Variants in SPECC1 observed in about 807,000 individuals in gnomAD.
The protein encoded by SPECC1 is cytospin-B.
In SPECC1, 62 loss-of-function variants were observed where a neutral mutation model predicts 104.1. The ratio of observed to expected loss-of-function variants is 0.60; its 90% confidence interval spans 0.49 to 0.74. The LOEUF is 0.74. Ranked by LOEUF, SPECC1 falls within the 30% of genes least tolerant of loss-of-function variation. SPECC1 has a pLI of 0.00. For synonymous variants in SPECC1, 513 were observed against 501.6 expected (o/e 1.02, Z -0.30); for missense variants, 1,306 against 1,310.5 (o/e 1.00, Z 0.05).
chr17:20,291,397 G>A (rs2041158524), intron 12 of SPECC1, among the ~76,000 whole-genome samples: 1 of 152,228 alleles, frequency 6.6e-6, no homozygotes, highest in Admixed American at 6.5e-5. Context: ...TTCTGGCCCT[G>A]ACTCTGGCGC....
intron 3 of SPECC1, among the ~76,000 whole-genome samples, chr17:20,179,224 C>T (rs1251224599): frequency 3.3e-5 from 5 of 152,236 alleles, no homozygotes; most frequent in African/African-American, 9.6e-5. Flanking sequence ...TGGCCCAGGC[C>T]GGATGCTGCT....
intron 3 of SPECC1, among the ~76,000 whole-genome samples, chr17:20,190,623 G>A (rs1485652159): frequency 3.3e-5 from 5 of 152,136 alleles, no homozygotes; most frequent in Non-Finnish European, 7.4e-5. Flanking sequence ...AACCCACACC[G>A]ATGTAACATT....
At chr17:20,111,760 AGGTGGGAGGAGGATCG>A (rs746161745) in intron 3 of SPECC1, 1 of 579,658 alleles carries the variant, frequency 1.7e-6, no homozygotes, top group Non-Finnish European at 3.2e-6. Context: ...AAGGAGAAAA[AGGTGGGAGGAGGATCG>A]GGTGGGAGGG....
At chr17:20,286,097 G>A (rs2040935715) in intron 12 of SPECC1, among the ~76,000 whole-genome samples, 1 of 152,072 alleles carries the variant, frequency 6.6e-6, no homozygotes, top group Non-Finnish European at 1.5e-5. Flanking sequence ...GTGAGCCATC[G>A]CACATGACCT....
intron 13 of SPECC1, among the ~76,000 whole-genome samples, chr17:20,298,921 AAGAGAGAG>A (rs370856374): frequency 1.5e-4 from 11 of 72,792 alleles, no homozygotes; most frequent in African/African-American, 5.2e-4. Context: ...GCAGAACCAA[AAGAGAGAG>A]AGAGAGAGAG....
intron 1 of SPECC1, chr17:20,017,136 G>C (rs1176643309): frequency 6.6e-6 from 1 of 152,270 alleles, no homozygotes; most frequent in Non-Finnish European, 1.5e-5. Context: ...GGCTGCCCGA[G>C]CCAAGAGTGG....
At chr17:20,207,292 G>A (rs1305745636) in intron 4 of SPECC1, among the ~76,000 whole-genome samples, 1 of 152,122 alleles carries the variant, frequency 6.6e-6, no homozygotes, top group Non-Finnish European at 1.5e-5. Context: ...GCTTAGTGGT[G>A]GGTCATGTTA....
At chr17:20,024,108 G>A (rs930378982) in intron 1 of SPECC1, among the ~76,000 whole-genome samples, 1 of 152,256 alleles carries the variant, frequency 6.6e-6, no homozygotes, top group Non-Finnish European at 1.5e-5. Context: ...AATACAAGGG[G>A]AAAGTTTAGT....
At chr17:20,183,779 C>T (rs1167682512) in intron 3 of SPECC1, among the ~76,000 whole-genome samples, 2 of 151,762 alleles carry the variant, frequency 1.3e-5, no homozygotes, top group African/African-American at 4.8e-5. Context: ...ATCCCTTTTT[C>T]CCCCAAATAT....
intron 3 of SPECC1, among the ~76,000 whole-genome samples, chr17:20,117,485 C>G (rs1284064948): frequency 5.9e-5 from 9 of 151,584 alleles, no homozygotes; most frequent in Non-Finnish European, 1.3e-4. Context: ...TTATACAAAT[C>G]AATAAGAAAA....
At chr17:20,018,098 C>T (rs1364681732) in intron 1 of SPECC1, 1 of 152,240 alleles carries the variant, frequency 6.6e-6, no homozygotes, top group African/African-American at 2.4e-5. Flanking sequence ...ACTGCAGTTC[C>T]CCAGGTAATC....
intron 3 of SPECC1, among the ~76,000 whole-genome samples, chr17:20,143,171 A>G (rs2031035455): frequency 9.1e-6 from 1 of 110,210 alleles, no homozygotes; most frequent in Non-Finnish European, 2.0e-5. Context: ...AATATTCTTT[A>G]TAGGAAAAAA....
chr17:20,191,097 G>C (rs2035638901), intron 3 of SPECC1, among the ~76,000 whole-genome samples: 1 of 152,146 alleles, frequency 6.6e-6, no homozygotes, highest in Non-Finnish European at 1.5e-5. Flanking sequence ...TTCATTTTAA[G>C]GGGTGGATGA....
chr17:20,107,780 C>T (rs1488790444), intron 2 of SPECC1, among the ~76,000 whole-genome samples: 3 of 152,140 alleles, frequency 2.0e-5, no homozygotes, highest in Non-Finnish European at 4.4e-5. Flanking sequence ...CCCGTTTTGG[C>T]CTCCCAAAGT....
intron 3 of SPECC1, among the ~76,000 whole-genome samples, chr17:20,178,983 CAAAG>C (rs1040605180): frequency 8.5e-5 from 13 of 152,310 alleles, no homozygotes; most frequent in Admixed American, 6.5e-4. Flanking sequence ...ACCCACTTCA[CAAAG>C]AAGCTAGAAT....
chr17:20,180,716 A>G (rs1413574848), intron 3 of SPECC1, among the ~76,000 whole-genome samples: 2 of 152,242 alleles, frequency 1.3e-5, no homozygotes, highest in South Asian at 2.1e-4. Context: ...TTGCCAGCCA[A>G]ACAAAATATA....
At chr17:20,251,019 G>C (rs2039605916) in intron 9 of SPECC1, among the ~76,000 whole-genome samples, 1 of 151,996 alleles carries the variant, frequency 6.6e-6, no homozygotes, top group Non-Finnish European at 1.5e-5. Flanking sequence ...TGGAGGCCAG[G>C]AGTTCAAGAC....
At chr17:20,114,609 T>TC (rs1158694462) in intron 3 of SPECC1, among the ~76,000 whole-genome samples, 2 of 151,688 alleles carry the variant, frequency 1.3e-5, no homozygotes, top group African/African-American at 2.4e-5. Context: ...TGTCCTTACA[T>TC]CTACCCCAAG....
At chr17:20,294,045 A>C (rs1267384808) in intron 12 of SPECC1, among the ~76,000 whole-genome samples, 3 of 152,072 alleles carry the variant, frequency 2.0e-5, no homozygotes, top group Non-Finnish European at 4.4e-5. Context: ...GCAGTGGTGC[A>C]ATCTCAGCTC....
Sources: allele counts gnomAD v4.1 joint callset (sites outside exome capture counted in the v4.1 genomes callset), GRCh38; gene constraint gnomAD v4.1.1; transcripts MANE v1.5; gene names NCBI Gene and HGNC (gene_info 2026-07-23, HGNC 2026-07-21).